The following SUPT3H variants were observed in gnomAD, a reference collection of about 807,000 sequenced individuals.
SUPT3H encodes the protein SPT3 homolog, SAGA and STAGA complex component.
Under a neutral mutation model 44.3 loss-of-function variants are expected in SUPT3H, and 44 were observed. That is an observed-to-expected ratio of 0.99 (90% CI 0.78 to 1.28). The LOEUF (loss-of-function observed/expected upper bound fraction) is 1.28. Ranked by LOEUF, SUPT3H falls within the 50% of genes most tolerant of loss-of-function variation. The probability of loss-of-function intolerance (pLI) is 0.00; values close to 1 mark genes in which losing one functional copy is unlikely to be tolerated. For missense variants in SUPT3H, 380 were observed against 387.1 expected, an observed-to-expected ratio of 0.98 and a Z score of 0.15; for synonymous variants, 124 against 125.6, an observed-to-expected ratio of 0.99 and a Z score of 0.09.
intron 5 of SUPT3H, among the ~76,000 whole-genome samples, chr6:45,014,374 C>CAT (rs1459755553): frequency 6.6e-6 from 1 of 152,040 alleles, no homozygotes; most frequent in Non-Finnish European, 1.5e-5. Context: ...AAGTGCTTTT[C>CAT]ATATATTATG....
At chr6:45,137,659 G>A (rs1343374977) in intron 2 of SUPT3H, among the ~76,000 whole-genome samples, 1 of 151,546 alleles carries the variant, frequency 6.6e-6, no homozygotes, top group Non-Finnish European at 1.5e-5. Context: ...AATAATGAAT[G>A]AACAGAGAAA....
intron 10 of SUPT3H, among the ~76,000 whole-genome samples, chr6:44,891,966 T>A (rs958811054): frequency 1.3e-5 from 2 of 152,036 alleles, no homozygotes; most frequent in African/African-American, 4.8e-5. Context: ...TTGGGGAAAA[T>A]TCCATCAAAA....
At chr6:45,005,465 CGTGGTG>C (rs1782579008) in intron 5 of SUPT3H, among the ~76,000 whole-genome samples, 1 of 152,024 alleles carries the variant, frequency 6.6e-6, no homozygotes, top group Non-Finnish European at 1.5e-5. Flanking sequence ...ATTTGCCAGG[CGTGGTG>C]GCTCACGCCT....
At chr6:44,937,032 T>C (rs538014901) in intron 9 of SUPT3H, among the ~76,000 whole-genome samples, 117 of 152,240 alleles carry the variant, frequency 7.7e-4, no homozygotes, top group Non-Finnish European at 1.3e-3. Flanking sequence ...TACCTATTCA[T>C]CTGTTGATGG....
At chr6:45,080,319 G>A (rs1795618101) in intron 3 of SUPT3H, among the ~76,000 whole-genome samples, 1 of 152,106 alleles carries the variant, frequency 6.6e-6, no homozygotes, top group African/African-American at 2.4e-5. Flanking sequence ...GGAGGAAAGG[G>A]AACTCTCATA....
At chr6:44,941,747 A>T (rs545556979) in intron 9 of SUPT3H, among the ~76,000 whole-genome samples, 1 of 152,268 alleles carries the variant, frequency 6.6e-6, no homozygotes, top group African/African-American at 2.4e-5. Flanking sequence ...TTACAGATAT[A>T]ACTATACATC....
At chr6:44,929,896 T>G (rs759365728) in intron 10 of SUPT3H, among the ~76,000 whole-genome samples, 10 of 152,036 alleles carry the variant, frequency 6.6e-5, no homozygotes, top group African/African-American at 9.7e-5. Context: ...AAAGGAAGAT[T>G]TATGTATTAT....
At chr6:45,124,248 G>A (rs765399980) in intron 2 of SUPT3H, among the ~76,000 whole-genome samples, 1 of 149,590 alleles carries the variant, frequency 6.7e-6, no homozygotes, top group Non-Finnish European at 1.5e-5. Context: ...GTAACTGCAA[G>A]AAAACTGTTC....
At chr6:44,928,998 A>C (rs1770101513) in intron 10 of SUPT3H, among the ~76,000 whole-genome samples, 2 of 151,682 alleles carry the variant, frequency 1.3e-5, no homozygotes, top group African/African-American at 4.9e-5. Flanking sequence ...GTGTGTCTCC[A>C]CAGCACACAT....
At chr6:45,055,486 C>T (rs1279782323) in intron 3 of SUPT3H, among the ~76,000 whole-genome samples, 7 of 152,044 alleles carry the variant, frequency 4.6e-5, no homozygotes, top group Non-Finnish European at 7.4e-5. Context: ...GCACATAGAC[C>T]CATGCAATAG....
intron 2 of SUPT3H, among the ~76,000 whole-genome samples, chr6:45,147,273 A>G (rs1174153643): frequency 6.6e-6 from 1 of 152,134 alleles, no homozygotes; most frequent in Admixed American, 6.6e-5. Context: ...TTTAGAAAAA[A>G]AGAAAAAGAA....
rs370274849 is a variant in SUPT3H at position 45,022,175 on chromosome 6, G to C, written c.187-1543C>G. On this transcript the variant is annotated intron_variant, in intron 3 of 10. Coordinates refer to ENST00000371459, the MANE Select transcript of SUPT3H (RefSeq NM_003599.4). ...TTTATTTTCTTAAATGAAGAATGCT[G>C]ATCATTTGAAATCTGAAAAACACTA... is the stretch of plus-strand genomic sequence containing the variant. Among the ~76,000 whole-genome samples, 42 of 152,038 alleles carry C rather than the reference G, an allele frequency of 2.8e-4. No individual in the cohort carries two copies. In the South Asian group the frequency reaches 8.7e-3, roughly 32 times the overall value.
At chr6:45,249,814 T>G (rs1329145955) in intron 2 of SUPT3H, among the ~76,000 whole-genome samples, 2 of 149,654 alleles carry the variant, frequency 1.3e-5, no homozygotes, top group African/African-American at 2.5e-5. Context: ...TGTGGGGGGG[T>G]GGGGGCCAAG....
chr6:44,896,484 G>A (rs970464171), intron 10 of SUPT3H, among the ~76,000 whole-genome samples: 1 of 152,108 alleles, frequency 6.6e-6, no homozygotes, highest in African/African-American at 2.4e-5. Flanking sequence ...TCAAAGACAG[G>A]AACACTTATT....
intron 3 of SUPT3H, among the ~76,000 whole-genome samples, chr6:45,099,690 T>C (rs1041674420): frequency 6.6e-5 from 10 of 152,178 alleles, no homozygotes; most frequent in African/African-American, 2.2e-4. Context: ...TAACCAGAGC[T>C]ATACCAGTGT....
At chr6:45,284,140 A>G (rs929080403) in intron 2 of SUPT3H, among the ~76,000 whole-genome samples, 6 of 152,238 alleles carry the variant, frequency 3.9e-5, no homozygotes, top group African/African-American at 1.4e-4. Context: ...AAGAGAAAGC[A>G]GGAAAGATCT....
chr6:45,216,148 A>T, intron 2 of SUPT3H, among the ~76,000 whole-genome samples: 1 of 152,196 alleles, frequency 6.6e-6, no homozygotes, highest in African/African-American at 2.4e-5. Flanking sequence ...GAAATTCATC[A>T]TGACTAGACC....
At chr6:44,968,044 C>T (rs1037954335) in intron 6 of SUPT3H, among the ~76,000 whole-genome samples, 5 of 152,102 alleles carry the variant, frequency 3.3e-5, no homozygotes, top group African/African-American at 7.2e-5. Flanking sequence ...CCTCCTGCCT[C>T]GGCCTCCCAA....
In SUPT3H at chr6:45,167,907, G is replaced by A. The variant is rs1810156063; in HGVS notation, c.102-61901C>T. Reference sequence around the variant, plus strand: ...GCTCACTGCAACCTCCGCCTCTCAGGTTCAAGTGATTCTCCTGCCTCAACC... The same window carrying A: ...GCTCACTGCAACCTCCGCCTCTCAGATTCAAGTGATTCTCCTGCCTCAACC... On this transcript the variant is annotated intron_variant, in intron 2 of 10. Transcript: ENST00000371459. 2.6e-5 allele frequency among the ~76,000 whole-genome samples: 4 copies of A among 151,938 alleles called. No homozygotes were observed. The South Asian group carries it at 8.3e-4, about 32-fold the overall frequency.
Sources: allele counts gnomAD v4.1 joint callset (sites outside exome capture counted in the v4.1 genomes callset), GRCh38; gene constraint gnomAD v4.1.1; transcripts MANE v1.5; gene names NCBI Gene and HGNC (gene_info 2026-07-23, HGNC 2026-07-21).